Variants in ERBB4 observed in about 807,000 individuals in gnomAD.
ERBB4 encodes the protein receptor tyrosine-protein kinase erbB-4.
ERBB4 carries 42 observed loss-of-function variants against 158.0 expected under a neutral mutation model. That is an observed-to-expected ratio of 0.27 (90% CI 0.21 to 0.34). The LOEUF (loss-of-function observed/expected upper bound fraction) is 0.34, where lower values mean the gene tolerates loss of function less well. Among genes scored for constraint, ERBB4 ranks in the 10% least tolerant of loss-of-function variants. The pLI is 1.00. For synonymous variants in ERBB4, 583 were observed against 558.7 expected, an observed-to-expected ratio of 1.04 and a Z score of -0.61; for missense variants, 1,333 against 1,624.1, an observed-to-expected ratio of 0.82 and a Z score of 3.08.
chr2:211,427,972 C>T (rs1198784317), intron 22 of ERBB4, among the ~76,000 whole-genome samples: 1 of 149,054 alleles, frequency 6.7e-6, no homozygotes, highest in Non-Finnish European at 1.5e-5. Context: ...AGGCAGATAG[C>T]AATGCTATTT....
chr2:211,415,186 G>T (rs1166758543), intron 25 of ERBB4, among the ~76,000 whole-genome samples: 4 of 128,644 alleles, frequency 3.1e-5, no homozygotes, highest in Non-Finnish European at 4.7e-5. Flanking sequence ...GCGCGACCTC[G>T]GCTCACTGCA....
chr2:212,349,525 C>T lies in ERBB4; in HGVS notation c.82+188924G>A, dbSNP rs145875907. On this transcript the variant is annotated intron_variant, in intron 1 of 27. Transcript: ENST00000342788. ...TTAAAATAAGAGTTAAGTTTTCTGT[C>T]ATAGTAAGTGCAGGGGTTAGCACTT... Among the ~76,000 whole-genome samples, 64 of 152,230 alleles carry T rather than the reference C, an allele frequency of 4.2e-4. 1 individual carries two copies. Among genetic ancestry groups the T allele is most frequent in the Admixed American group, 9.2e-4 (14 of 15,276 alleles).
chr2:211,580,826 A>T (rs2068060356), intron 19 of ERBB4, among the ~76,000 whole-genome samples: 1 of 36,230 alleles, frequency 2.8e-5, no homozygotes, highest in Non-Finnish European at 1.1e-4. Flanking sequence ...TATATATATT[A>T]TATATATAGA....
At chr2:211,645,731 C>T (rs2070761204) in intron 16 of ERBB4, among the ~76,000 whole-genome samples, 1 of 151,614 alleles carries the variant, frequency 6.6e-6, no homozygotes, top group Non-Finnish European at 1.5e-5. Flanking sequence ...AGATAATGAT[C>T]TGTTACAAAT....
chr2:212,092,566 G>T (rs1023265135), intron 2 of ERBB4, among the ~76,000 whole-genome samples: 2 of 152,106 alleles, frequency 1.3e-5, no homozygotes, highest in African/African-American at 4.8e-5. Context: ...TACAGAAATA[G>T]AATTTTAAAA....
chr2:211,892,894 C>T (rs1473292099), intron 3 of ERBB4, among the ~76,000 whole-genome samples: 2 of 142,658 alleles, frequency 1.4e-5, no homozygotes, highest in African/African-American at 2.8e-5. Flanking sequence ...CAAACCACTG[C>T]TCAAGGAAAT....
At position 211,377,000 on chromosome 2, in the gene ERBB4, C is replaced by T. The variant is rs1595066; in HGVS notation, c.*6615G>A. 0.31 allele frequency: 71,148 copies of T among 232,700 alleles called. 11,738 individuals carry two copies. Among genetic ancestry groups the T allele is most frequent in the South Asian group, 0.57 (3,151 of 5,518 alleles). The allele number at this position is 232,700 out of a possible 1,614,324, so 14.4% of individuals were successfully genotyped here. A position where few individuals can be genotyped will look rare whatever the true frequency, so the allele number is the denominator to read the frequency against. On this transcript the variant is annotated 3_prime_UTR_variant, in exon 28 of 28. Coordinates refer to ENST00000342788, the MANE Select transcript of ERBB4 (RefSeq NM_005235.3). ...AGTTTATGCTACATATTTCAAAGTA[C>T]CTTACTTTAAAAGAACACCTTACAT...
intron 3 of ERBB4, among the ~76,000 whole-genome samples, chr2:211,837,320 G>C (rs116773726): frequency 0.019 from 2,947 of 152,154 alleles, 40 homozygotes; most frequent in Non-Finnish European, 0.028. Context: ...AAGGTTAAAA[G>C]TACTTGGGTT....
chr2:212,226,733 TTATCA>T (rs1384036635), intron 1 of ERBB4, among the ~76,000 whole-genome samples: 1 of 152,154 alleles, frequency 6.6e-6, no homozygotes, highest in East Asian at 1.9e-4. Context: ...CTTATCAGTC[TTATCA>T]TATAACTGTC....
At chr2:211,512,683 T>G (rs1331939541) in intron 20 of ERBB4, among the ~76,000 whole-genome samples, 1 of 152,184 alleles carries the variant, frequency 6.6e-6, no homozygotes, top group Non-Finnish European at 1.5e-5. Context: ...TGTCTTTAAA[T>G]TTTTACAAAA....
At chr2:212,359,583 A>T (rs576359805) in intron 1 of ERBB4, among the ~76,000 whole-genome samples, 1 of 151,828 alleles carries the variant, frequency 6.6e-6, no homozygotes, top group East Asian at 1.9e-4. Context: ...CAAGGCGCTT[A>T]AGAGTTCTAG....
chr2:212,406,641 CT>C (rs2091352315), intron 1 of ERBB4, among the ~76,000 whole-genome samples: 1 of 152,120 alleles, frequency 6.6e-6, no homozygotes, highest in African/African-American at 2.4e-5. Context: ...AAACATTCGC[CT>C]TTGTTGCTCA....
intron 4 of ERBB4, among the ~76,000 whole-genome samples, chr2:211,765,434 A>G (rs564897195): frequency 1.3e-5 from 2 of 152,090 alleles, no homozygotes; most frequent in South Asian, 4.1e-4. Context: ...CGTATATTAT[A>G]CTCTTACTCT....
chr2:211,892,658 A>C (rs2125009076), intron 3 of ERBB4, among the ~76,000 whole-genome samples: 1 of 145,460 alleles, frequency 6.9e-6, no homozygotes, highest in African/African-American at 2.7e-5. Context: ...TATCTAGAAA[A>C]CCCCATTGTT....
chr2:211,626,792 G>A (rs1033042539), intron 17 of ERBB4, among the ~76,000 whole-genome samples: 2 of 151,894 alleles, frequency 1.3e-5, no homozygotes, highest in African/African-American at 2.4e-5. Flanking sequence ...GGACGTGTTG[G>A]CGGGCGCCTG....
At chr2:211,577,880 C>G (rs530568886) in intron 19 of ERBB4, among the ~76,000 whole-genome samples, 49 of 152,128 alleles carry the variant, frequency 3.2e-4, no homozygotes, top group Non-Finnish European at 6.9e-4. Flanking sequence ...AATCTGGAAG[C>G]ATTATCTTTG....
At chr2:212,440,797 C>T (rs1574922151) in intron 1 of ERBB4, among the ~76,000 whole-genome samples, 1 of 152,154 alleles carries the variant, frequency 6.6e-6, no homozygotes, top group Non-Finnish European at 1.5e-5. Context: ...TGACTCTATA[C>T]ATACATAACA....
chr2:211,702,775 G>A (rs1032446008), intron 11 of ERBB4, among the ~76,000 whole-genome samples: 9 of 152,036 alleles, frequency 5.9e-5, no homozygotes, highest in African/African-American at 1.4e-4. Flanking sequence ...TGGGGAAAAG[G>A]TCTCTAAAAG....
chr2:211,553,326 A>C (rs1469157049), intron 20 of ERBB4, among the ~76,000 whole-genome samples: 1 of 152,160 alleles, frequency 6.6e-6, no homozygotes, highest in African/African-American at 2.4e-5. Flanking sequence ...CAAGCATCCT[A>C]GGAACCTGTG....
Sources: gnomAD v4.1 joint callset for allele counts (sites outside exome capture counted in the v4.1 genomes callset) on GRCh38, gnomAD v4.1.1 for gene constraint, MANE v1.5 for transcripts, NCBI Gene and HGNC (gene_info 2026-07-23, HGNC 2026-07-21) for gene names.